The following PTPRD variants were observed in gnomAD, a reference collection of about 807,000 sequenced individuals.
PTPRD encodes the protein receptor-type tyrosine-protein phosphatase delta.
PTPRD carries 34 observed loss-of-function variants against 214.5 expected under a neutral mutation model. The observed-to-expected ratio is 0.16, with a 90% CI of 0.12 to 0.21. The LOEUF (loss-of-function observed/expected upper bound fraction) is 0.21, where lower values mean the gene tolerates loss of function less well. Ranked by LOEUF, PTPRD falls within the 10% of genes least tolerant of loss-of-function variation. The probability of loss-of-function intolerance (pLI) is 1.00; values close to 1 mark genes in which losing one functional copy is unlikely to be tolerated. For synonymous variants in PTPRD, 1,128 were observed against 845.7 expected (o/e 1.33, Z -5.79); for missense variants, 2,545 against 2,398.7 (o/e 1.06, Z -1.27).
chr9:9,355,332 G>A (rs1198331316), intron 9 of PTPRD, among the ~76,000 whole-genome samples: 1 of 151,784 alleles, frequency 6.6e-6, no homozygotes, highest in African/African-American at 2.4e-5. Context: ...AGAGGCTATT[G>A]CTGAAATTTA....
At chr9:9,619,494 ATATAT>A (rs1001467192) in intron 7 of PTPRD, among the ~76,000 whole-genome samples, 20 of 147,222 alleles carry the variant, frequency 1.4e-4, no homozygotes, top group East Asian at 3.9e-4. Flanking sequence ...TATAATCTAT[ATATAT>A]TATATTATAT....
intron 3 of PTPRD, among the ~76,000 whole-genome samples, chr9:10,218,254 A>G (rs2099550652): frequency 6.6e-6 from 1 of 151,964 alleles, no homozygotes; most frequent in Admixed American, 6.6e-5. Context: ...AAGCAAGCAC[A>G]CAAACAAATG....
At chr9:8,705,223 T>C (rs2098179253) in intron 12 of PTPRD, among the ~76,000 whole-genome samples, 1 of 151,996 alleles carries the variant, frequency 6.6e-6, no homozygotes. Flanking sequence ...TTGTTGTTGT[T>C]ACTGTTGTTT....
intron 5 of PTPRD, among the ~76,000 whole-genome samples, chr9:9,856,215 C>T (rs1160904525): frequency 2.0e-5 from 3 of 152,100 alleles, no homozygotes; most frequent in African/African-American, 7.2e-5. Flanking sequence ...GCTGTAGTCC[C>T]TGACATCCAG....
At chr9:9,557,445 T>G (rs1325741402) in intron 8 of PTPRD, among the ~76,000 whole-genome samples, 2 of 152,118 alleles carry the variant, frequency 1.3e-5, no homozygotes, top group African/African-American at 4.8e-5. Flanking sequence ...AAAATAAAAT[T>G]TTTTGACATA....
intron 39 of PTPRD, among the ~76,000 whole-genome samples, chr9:8,360,908 ATT>A (rs1046581129): frequency 1.5e-4 from 23 of 152,190 alleles, no homozygotes; most frequent in Admixed American, 1.4e-3. Context: ...ACCCATACTT[ATT>A]TGACTACAGA....
chr9:9,370,096 T>C (rs1483882208), intron 9 of PTPRD, among the ~76,000 whole-genome samples: 1 of 152,162 alleles, frequency 6.6e-6, no homozygotes, highest in Non-Finnish European at 1.5e-5. Context: ...CGATGCGGGC[T>C]CTTTTTTCGT....
chr9:9,158,807 C>G (rs960260026), intron 10 of PTPRD, among the ~76,000 whole-genome samples: 10 of 151,996 alleles, frequency 6.6e-5, no homozygotes, highest in African/African-American at 2.2e-4. Flanking sequence ...CAAAAATACT[C>G]AGTAAAATAT....
At chr9:10,034,869 A>G (rs1157980817) in intron 3 of PTPRD, among the ~76,000 whole-genome samples, 1 of 152,168 alleles carries the variant, frequency 6.6e-6, no homozygotes, top group African/African-American at 2.4e-5. Context: ...TGCTATTGTG[A>G]ATAGTGCTGC....
rs577440614 is a variant in PTPRD, at chr9:9,283,406, T to C, written c.-202-100043A>G. On this transcript the variant is annotated intron_variant, in intron 9 of 45. Coordinates refer to ENST00000381196, the MANE Select transcript of PTPRD (RefSeq NM_002839.4). ...CAGGAGGAAATGTCCCATCTACAAATGAACCCTTTACAGGTTCAATTATAT... is the reference window on the plus strand; with the variant it reads ...CAGGAGGAAATGTCCCATCTACAAACGAACCCTTTACAGGTTCAATTATAT... Among the ~76,000 whole-genome samples, 35 of 151,642 alleles carry C rather than the reference T, an allele frequency of 2.3e-4. 1 individual carries two copies. The South Asian group carries it at 6.6e-3, about 29-fold the overall frequency.
intron 11 of PTPRD, among the ~76,000 whole-genome samples, chr9:9,001,676 G>C (rs1464463093): frequency 6.6e-6 from 1 of 151,962 alleles, no homozygotes. Flanking sequence ...CTACCATTGT[G>C]AGCTACATTG....
chr9:9,882,063 T>C, intron 5 of PTPRD, among the ~76,000 whole-genome samples: 1 of 152,128 alleles, frequency 6.6e-6, no homozygotes, highest in African/African-American at 2.4e-5. Context: ...AAAAAGAATG[T>C]AGACAGACTA....
chr9:8,606,420 T>A (rs1280914945), intron 14 of PTPRD, among the ~76,000 whole-genome samples: 1 of 152,150 alleles, frequency 6.6e-6, no homozygotes, highest in Non-Finnish European at 1.5e-5. Context: ...CCTCTCAACC[T>A]AACAAATGAA....
At chr9:9,814,324 T>C (rs568297224) in intron 5 of PTPRD, among the ~76,000 whole-genome samples, 1 of 145,112 alleles carries the variant, frequency 6.9e-6, no homozygotes, top group South Asian at 2.2e-4. Context: ...AAAAAAAGCA[T>C]CCAAATCAGA....
At position 9,124,505 on chromosome 9, in the gene PTPRD, T is replaced by C. The variant is rs568113098; in HGVS notation, c.-143+58799A>G. On this transcript the variant is annotated intron_variant, in intron 10 of 45. Transcript: ENST00000381196. The stretch of plus-strand genomic sequence containing the variant: ...AGAAGAAATGACAAAATGGCCATAA[T>C]TGCTTTCAAGACAATTATAAGACTA... 1.1e-4 allele frequency among the ~76,000 whole-genome samples: 16 copies of C among 152,236 alleles called. No homozygotes were observed. In the South Asian group the frequency reaches 3.1e-3, roughly 30 times the overall value.
At chr9:10,482,165 A>ATC (rs2099102806) in intron 2 of PTPRD, among the ~76,000 whole-genome samples, 1 of 152,048 alleles carries the variant, frequency 6.6e-6, no homozygotes, top group Non-Finnish European at 1.5e-5. Flanking sequence ...AGGTCAGGAG[A>ATC]TTGAGACCAG....
intron 7 of PTPRD, among the ~76,000 whole-genome samples, chr9:9,628,074 T>C (rs2095477555): frequency 6.6e-6 from 1 of 152,334 alleles, no homozygotes; most frequent in Non-Finnish European, 1.5e-5. Flanking sequence ...TGGTTAGTTT[T>C]CCCACTTATA....
At chr9:8,739,544 A>T (rs1030740460) in intron 11 of PTPRD, among the ~76,000 whole-genome samples, 3 of 152,222 alleles carry the variant, frequency 2.0e-5, no homozygotes, top group African/African-American at 7.2e-5. Flanking sequence ...GACTACAACT[A>T]CAGGTTTACA....
chr9:10,149,137 G>C (rs1412822816), intron 3 of PTPRD, among the ~76,000 whole-genome samples: 1 of 152,174 alleles, frequency 6.6e-6, no homozygotes, highest in Non-Finnish European at 1.5e-5. Context: ...GTAAGGAGCA[G>C]TATTCATATT....
Sources: gnomAD v4.1 joint callset for allele counts (sites outside exome capture counted in the v4.1 genomes callset) on GRCh38, gnomAD v4.1.1 for gene constraint, MANE v1.5 for transcripts, NCBI Gene and HGNC (gene_info 2026-07-23, HGNC 2026-07-21) for gene names.